SLC35D2: variants seen among roughly 807,000 people sequenced by gnomAD.
The protein encoded by SLC35D2 is nucleotide sugar transporter SLC35D2.
In SLC35D2, 43 loss-of-function variants were observed where a neutral mutation model predicts 41.8. That is an observed-to-expected ratio of 1.03 (90% confidence interval 0.81 to 1.33). The LOEUF (loss-of-function observed/expected upper bound fraction) is 1.33, where lower values mean the gene tolerates loss of function less well. Among genes scored for constraint, SLC35D2 ranks in the 40% most tolerant of loss-of-function variants. The pLI, the probability that SLC35D2 is intolerant of heterozygous loss-of-function variation, is 0.00. For synonymous variants in SLC35D2, 150 were observed against 163.9 expected, an observed-to-expected ratio of 0.92 and a Z score of 0.65; for missense variants, 380 against 408.4, an observed-to-expected ratio of 0.93 and a Z score of 0.60.
chr9:96,382,192 T>C (rs1182063318), intron 1 of SLC35D2, among the ~76,000 whole-genome samples: 1 of 151,728 alleles, frequency 6.6e-6, no homozygotes, highest in African/African-American at 2.4e-5. Context: ...ATAAGAAAGG[T>C]GAGGCTGGAT....
intron 10 of SLC35D2, among the ~76,000 whole-genome samples, chr9:96,323,746 G>A (rs534563213): frequency 6.6e-6 from 1 of 152,100 alleles, no homozygotes; most frequent in East Asian, 1.9e-4. Context: ...CCAACATGGT[G>A]AAACCTGGTC....
intron 4 of SLC35D2, chr9:96,357,330 A>G (rs1326623796): frequency 6.6e-6 from 1 of 152,232 alleles, no homozygotes; most frequent in Non-Finnish European, 1.5e-5. Context: ...GAACATCCAC[A>G]TGCAAAAAAA....
intron 10 of SLC35D2, among the ~76,000 whole-genome samples, chr9:96,323,110 G>C (rs577029766): frequency 6.7e-6 from 1 of 148,842 alleles, no homozygotes; most frequent in South Asian, 2.1e-4. Flanking sequence ...TAATTATCTT[G>C]ATCGTAAACT....
intron 1 of SLC35D2, among the ~76,000 whole-genome samples, chr9:96,374,560 C>A (rs1446883132): frequency 1.4e-5 from 2 of 145,546 alleles, no homozygotes; most frequent in Admixed American, 6.9e-5. Flanking sequence ...GTAGGCCAGG[C>A]GCAGTGGCTC....
intron 9 of SLC35D2, among the ~76,000 whole-genome samples, chr9:96,330,182 G>C (rs946250765): frequency 2.4e-4 from 36 of 152,334 alleles, no homozygotes; most frequent in Middle Eastern, 3.4e-3. Flanking sequence ...AAGAGGGATG[G>C]ATTCGCCTCT....
intron 1 of SLC35D2, among the ~76,000 whole-genome samples, chr9:96,373,176 G>C (rs1185682087): frequency 6.6e-6 from 1 of 152,078 alleles, no homozygotes; most frequent in African/African-American, 2.4e-5. Flanking sequence ...TGAAATTACA[G>C]GCATGAGCCA....
At chr9:96,337,692 TC>T (rs1362698338) in intron 8 of SLC35D2, among the ~76,000 whole-genome samples, 1 of 151,976 alleles carries the variant, frequency 6.6e-6, no homozygotes, top group Non-Finnish European at 1.5e-5. Flanking sequence ...GTTTAAGACT[TC>T]ATTTTTGGCC....
intron 6 of SLC35D2, among the ~76,000 whole-genome samples, chr9:96,349,976 C>T (rs1300338081): frequency 6.6e-6 from 1 of 152,138 alleles, no homozygotes; most frequent in Non-Finnish European, 1.5e-5. Flanking sequence ...CTAGATGAGG[C>T]TCTGAGAACT....
intron 6 of SLC35D2, among the ~76,000 whole-genome samples, chr9:96,348,738 G>A (rs1451552200): frequency 6.6e-6 from 1 of 152,144 alleles, no homozygotes; most frequent in Admixed American, 6.5e-5. Context: ...GCTACTCCAG[G>A]CTGGCTCTTG....
chr9:96,357,100 C>G (rs139492535), intron 4 of SLC35D2, among the ~76,000 whole-genome samples: 2,702 of 152,216 alleles, frequency 0.018, 74 homozygotes, highest in African/African-American at 0.061. Context: ...ATTGCTTGAA[C>G]CTGGGAGGTG....
At chr9:96,355,121 C>A (rs982515767) in intron 4 of SLC35D2, among the ~76,000 whole-genome samples, 1 of 150,880 alleles carries the variant, frequency 6.6e-6, no homozygotes, top group Non-Finnish European at 1.5e-5. Context: ...CTGGCTCAAG[C>A]GATTCTTGTG....
rs1391216707 is a variant in SLC35D2, at chr9:96,371,461, C to T, written c.159-3156G>A. On this transcript the variant is annotated intron_variant, in intron 1 of 11. Coordinates refer to ENST00000253270, the MANE Select transcript of SLC35D2 (RefSeq NM_007001.3). ...ACTCTATCTAGCCTGGGTGACAGAG[C>T]GAGACTCTGTCTCAAAAAAAAAAAA... Among the ~76,000 whole-genome samples, 15 of 69,348 alleles carry T rather than the reference C, an allele frequency of 2.2e-4. No individual in the cohort carries two copies. In the East Asian group the frequency reaches 8.9e-3, roughly 41 times the overall value. The allele number at this position is 69,348 out of a possible 152,430, so 45.5% of individuals were successfully genotyped here.
chr9:96,317,681 T>C (rs1828086806), downstream of SLC35D2, among the ~76,000 whole-genome samples: 1 of 152,184 alleles, frequency 6.6e-6, no homozygotes, highest in Non-Finnish European at 1.5e-5. Flanking sequence ...TTAGCATCTT[T>C]GGTCTCTGGA....
At chr9:96,316,974 TA>T (rs1828067002), downstream of SLC35D2, among the ~76,000 whole-genome samples, 1 of 151,886 alleles carries the variant, frequency 6.6e-6, no homozygotes, top group South Asian at 2.1e-4. Context: ...CCGTCTCTAC[TA>T]AAAATACAAA....
At chr9:96,363,840 G>T (rs1370882574) in intron 3 of SLC35D2, among the ~76,000 whole-genome samples, 1 of 152,178 alleles carries the variant, frequency 6.6e-6, no homozygotes, top group Non-Finnish European at 1.5e-5. Context: ...AGTGGCAGAG[G>T]TGAATAATTA....
intron 3 of SLC35D2, among the ~76,000 whole-genome samples, chr9:96,361,960 A>G (rs922210268): frequency 1.5e-4 from 23 of 152,246 alleles, no homozygotes; most frequent in African/African-American, 5.5e-4. Flanking sequence ...CATGTACGCC[A>G]GGGTCCAACT....
downstream of SLC35D2, among the ~76,000 whole-genome samples, chr9:96,316,618 GC>G (rs548039812): frequency 1.5e-4 from 23 of 152,210 alleles, no homozygotes; most frequent in Admixed American, 1.2e-3. Context: ...ATTTCTAAGA[GC>G]CCCCAAGTTA....
At chr9:96,381,748 G>A (rs1398542080) in intron 1 of SLC35D2, among the ~76,000 whole-genome samples, 3 of 152,146 alleles carry the variant, frequency 2.0e-5, no homozygotes, top group South Asian at 2.1e-4. Flanking sequence ...TGTTCTCCTC[G>A]AACAGTGCTG....
In SLC35D2 at chr9:96,328,641, T is replaced by C. The variant is rs79072205; in HGVS notation, c.753-4472A>G. ...CAAAAAGTAACTGCCTTACCCAACA[T>C]TGTGGCAGTCACAAACAGAACTCAA... On this transcript the variant is annotated intron_variant, in intron 9 of 11. Coordinates refer to ENST00000253270, the MANE Select transcript of SLC35D2 (RefSeq NM_007001.3). Among the ~76,000 whole-genome samples the C allele has an allele frequency of 1.9e-3, 276 of 148,974 alleles. 2 individuals are homozygous for C. The highest frequency in any genetic ancestry group is 3.5e-3 in the Middle Eastern group (1 of 288).
Sources: allele counts gnomAD v4.1 joint callset (sites outside exome capture counted in the v4.1 genomes callset), GRCh38; gene constraint gnomAD v4.1.1; transcripts MANE v1.5; gene names NCBI Gene and HGNC (gene_info 2026-07-23, HGNC 2026-07-21).